The following PLA2G12B variants were observed in gnomAD, a reference collection of about 807,000 sequenced individuals.
The protein encoded by PLA2G12B is group XIIB secretory phospholipase A2-like protein.
In PLA2G12B, 19 loss-of-function variants were observed where a neutral mutation model predicts 22.3. That is an observed-to-expected ratio of 0.85 (90% CI 0.60 to 1.25). PLA2G12B has a LOEUF of 1.25. PLA2G12B is among the 50% of genes most tolerant of loss of function. PLA2G12B has a pLI of 0.00. For synonymous variants in PLA2G12B, 81 were observed against 94.9 expected (o/e 0.85, Z 0.85); for missense variants, 191 against 246.6 (o/e 0.77, Z 1.51).
chr10:72,954,483 C>A lies in PLA2G12B; in HGVS notation c.203G>T (p.Cys68Phe). The change falls in exon 1 of 4, where the codon TGC becomes TTC. Residue 68 changes from cysteine (C) to phenylalanine (F), a missense_variant. Cys to Phe is a radical substitution (Grantham distance 205). Coordinates refer to ENST00000373032, the MANE Select transcript of PLA2G12B (RefSeq NM_032562.5). ...AGAAACCGCACACTCACCATATCGGCACCTGTACTGACAGACTCCATTCTT... is the reference window on the plus strand; with the variant it reads ...AGAAACCGCACACTCACCATATCGGAACCTGTACTGACAGACTCCATTCTT... ...GGKNGVCQYR[C>F]RYGKAPMPRP... 6.2e-7 allele frequency: 1 copy of A among 1,614,222 alleles called. No individual in the cohort carries two copies. The highest frequency in any genetic ancestry group is 8.5e-7 in the Non-Finnish European group (1 of 1,180,044).
Position 72,935,368 on chromosome 10 carries a change from G to C in PLA2G12B, c.*249C>G, listed in dbSNP as rs1036540155. On this transcript the variant is annotated 3_prime_UTR_variant, in exon 4 of 4. Coordinates refer to ENST00000373032, the MANE Select transcript of PLA2G12B (RefSeq NM_032562.5). ...CTTTAAGCTAAGAACTGAATTTCCA[G>C]GCAAATGTGTCTTGGTTGGGGAGAG... 2.6e-6 allele frequency: 1 copy of C among 387,986 alleles called. No homozygotes were observed. The highest frequency in any genetic ancestry group is 2.1e-5 in the African/African-American group (1 of 48,584). The allele number at this position is 387,986 out of a possible 1,614,324, so 24.0% of individuals were successfully genotyped here.
chr10:72,946,883 A>G (rs1589544209), intron 1 of PLA2G12B, among the ~76,000 whole-genome samples: 1 of 149,300 alleles, frequency 6.7e-6, no homozygotes, highest in Non-Finnish European at 1.5e-5. Context: ...TTGTCTTTTC[A>G]CGTTTTTGAT....
At chr10:72,939,861 AATG>A (rs1846333155) in intron 3 of PLA2G12B, among the ~76,000 whole-genome samples, 1 of 152,212 alleles carries the variant, frequency 6.6e-6, no homozygotes, top group Admixed American at 6.5e-5. Context: ...GAATCTATTG[AATG>A]ATTTACACAG....
At chr10:72,939,858 T>C (rs2132964303) in intron 3 of PLA2G12B, among the ~76,000 whole-genome samples, 1 of 152,340 alleles carries the variant, frequency 6.6e-6, no homozygotes, top group South Asian at 2.1e-4. Flanking sequence ...GAGGAATCTA[T>C]TGAATGATTT....
intron 1 of PLA2G12B, among the ~76,000 whole-genome samples, chr10:72,944,209 T>A (rs1846406565): frequency 6.6e-6 from 1 of 152,192 alleles, no homozygotes; most frequent in African/African-American, 2.4e-5. Context: ...ATGTACCAAA[T>A]GCACAAACAT....
chr10:72,935,486 G>A lies in PLA2G12B; in HGVS notation c.*131C>T, dbSNP rs1846265906. ...ACTCACTTTCCAGCTGTAGAAAAAT[G>A]TTCCCTTTCTCCTGCTTTGTGGTGT... On this transcript the variant is annotated 3_prime_UTR_variant, in exon 4 of 4. Coordinates refer to ENST00000373032, the MANE Select transcript of PLA2G12B (RefSeq NM_032562.5). The A allele has an allele frequency of 7.5e-7, 1 of 1,331,162 alleles. No individual in the cohort carries two copies. The highest frequency in any genetic ancestry group is 1.5e-5 in the South Asian group (1 of 66,850). 82.5% of individuals were successfully genotyped at this position (1,331,162 alleles called of 1,614,324 possible).
Position 72,934,966 on chromosome 10 carries a change from G to A in PLA2G12B, c.*651C>T, listed in dbSNP as rs148748162. On this transcript the variant is annotated 3_prime_UTR_variant, in exon 4 of 4. Transcript: ENST00000373032. ...ATACCAATGGGGTAGGTCACCGGAG[G>A]GAAAAATGAATCCTCAGAGACCTAA... Among the ~76,000 whole-genome samples, 3 of 152,246 alleles carry A rather than the reference G, an allele frequency of 2.0e-5. No homozygotes were observed. Among genetic ancestry groups the A allele is most frequent in the Non-Finnish European group, 4.4e-5 (3 of 68,018 alleles).
intron 3 of PLA2G12B, among the ~76,000 whole-genome samples, chr10:72,936,970 G>C (rs934658588): frequency 1.3e-5 from 2 of 152,194 alleles, no homozygotes; most frequent in Non-Finnish European, 2.9e-5. Flanking sequence ...GGAGGCCGAA[G>C]CAGGCAGATC....
chr10:72,953,599 G>A (rs1056023757), intron 1 of PLA2G12B, among the ~76,000 whole-genome samples: 2 of 152,104 alleles, frequency 1.3e-5, no homozygotes, highest in Non-Finnish European at 2.9e-5. Context: ...GTTTTCATGC[G>A]CATTGGCAAT....
Position 72,942,643 on chromosome 10 carries a change from A to T in PLA2G12B, c.300+9T>A. On this transcript the variant is annotated intron_variant, in intron 2 of 3. Transcript: ENST00000373032. ...AACCAACCAAGAAGGTAATGCTGGC[A>T]GTACATACACTTTCTGGTACCTTGA... 1 of 1,589,130 alleles carries T rather than the reference A, an allele frequency of 6.3e-7. No homozygotes were observed. The highest frequency in any genetic ancestry group is 8.6e-7 in the Non-Finnish European group (1 of 1,165,616).
chr10:72,935,887 A>T, intron 3 of PLA2G12B, 149 bp from the exon 4 acceptor site: 1 of 1,170,120 alleles, frequency 8.5e-7, no homozygotes, highest in Non-Finnish European at 1.2e-6. Context: ...GAATGTTCTC[A>T]GAAAAGCTCC....
At chr10:72,951,489 G>A (rs951952577) in intron 1 of PLA2G12B, among the ~76,000 whole-genome samples, 7 of 127,928 alleles carry the variant, frequency 5.5e-5, no homozygotes, top group Non-Finnish European at 1.1e-4. Context: ...GTGGAGTCTC[G>A]CTCTGTTGCC....
Position 72,941,353 on chromosome 10 carries a change from A to AGGGAAAAGAAGGGGAAGAAATG in PLA2G12B, c.301-41_301-20dup. 2 of 1,607,956 alleles carry AGGGAAAAGAAGGGGAAGAAATG rather than the reference A, an allele frequency of 1.2e-6. 1 individual carries two copies. The highest frequency in any genetic ancestry group is 2.2e-5 in the South Asian group (2 of 90,794). ...AGTCCATCTGGGGAAAAGTGAAGGA[A>AGGGAAAAGAAGGGGAAGAAATG]GGGAAAAGAAGGGGAAGAAATGCCA... is the stretch of plus-strand genomic sequence containing the variant. On this transcript the variant is annotated intron_variant, in intron 2 of 3. Transcript: ENST00000373032.
At chr10:72,943,766 G>A (rs897334450) in intron 1 of PLA2G12B, among the ~76,000 whole-genome samples, 7 of 152,108 alleles carry the variant, frequency 4.6e-5, no homozygotes, top group African/African-American at 1.2e-4. Context: ...CTAAGAGGTC[G>A]CATGACTTGC....
intron 2 of PLA2G12B, 48 bp downstream of exon 2, chr10:72,942,604 T>C (rs1341477568): frequency 1.4e-6 from 2 of 1,432,980 alleles, no homozygotes; most frequent in East Asian, 2.4e-5. Flanking sequence ...CTAGGATTGC[T>C]CTCAGTCAAA....
chr10:72,949,257 A>G (rs1846488809), intron 1 of PLA2G12B, among the ~76,000 whole-genome samples: 1 of 152,160 alleles, frequency 6.6e-6, no homozygotes, highest in South Asian at 2.1e-4. Context: ...CTTTTTTCCT[A>G]TCTCGGACAG....
Position 72,935,668 on chromosome 10 carries a change from A to G in PLA2G12B, c.537T>C (p.Asn179=). 1 of 1,614,180 alleles carries G rather than the reference A, an allele frequency of 6.2e-7. No homozygotes were observed. Among genetic ancestry groups the G allele is most frequent in the Non-Finnish European group, 8.5e-7 (1 of 1,180,016 alleles). ...CACAGATGCAAGCTGCCCGCTGACTATTCATAAAGGGGCGGCAGCCCAAGG... is the reference window on the plus strand; with the variant it reads ...CACAGATGCAAGCTGCCCGCTGACTGTTCATAAAGGGGCGGCAGCCCAAGG... ...VWTLGCRPFM[N]SQRAACICAE... The change falls in exon 4 of 4, where the codon AAT becomes AAC. Residue 179 remains asparagine, a synonymous_variant. Transcript: ENST00000373032.
In PLA2G12B at chr10:72,943,337, CA is replaced by C. The variant is rs201391745; in HGVS notation, c.212-598del. On this transcript the variant is annotated intron_variant, in intron 1 of 3. Transcript: ENST00000373032. ...TGAAGATAAGGGCCATGGCAAAACC[CA>C]ACTAAAACTCAAGGTTCCTCATTCC... 2.2e-3 allele frequency among the ~76,000 whole-genome samples: 340 copies of C among 152,202 alleles called. 1 individual carries two copies. The East Asian group carries it at 0.025, about 11-fold the overall frequency.
chr10:72,941,707 T>C (rs1165204228), intron 2 of PLA2G12B, among the ~76,000 whole-genome samples: 1 of 152,150 alleles, frequency 6.6e-6, no homozygotes, highest in Non-Finnish European at 1.5e-5. Context: ...CCATATGAGA[T>C]TTTGTGTGAG....
Sources: allele counts gnomAD v4.1 joint callset (sites outside exome capture counted in the v4.1 genomes callset), GRCh38; gene constraint gnomAD v4.1.1; transcripts MANE v1.5; gene names NCBI Gene and HGNC (gene_info 2026-07-23, HGNC 2026-07-21).